The following CHST8 variants were observed in gnomAD, a reference collection of about 807,000 sequenced individuals.
CHST8 encodes the protein carbohydrate sulfotransferase 8, also known as GALNAC-4-ST1.
A neutral mutation model predicts 15.0 loss-of-function variants in CHST8; 10 were observed. The ratio of observed to expected loss-of-function variants is 0.67; its 90% confidence interval spans 0.41 to 1.13. The LOEUF is 1.13. Ranked by LOEUF, CHST8 falls within the 50% of genes most tolerant of loss-of-function variation. The pLI, the probability that CHST8 is intolerant of heterozygous loss-of-function variation, is 0.00. For synonymous variants in CHST8, 259 were observed against 256.6 expected, an observed-to-expected ratio of 1.01 and a Z score of -0.09; for missense variants, 634 against 608.2, an observed-to-expected ratio of 1.04 and a Z score of -0.45.
chr19:33,764,491 CTT>C (rs1291129384), intron 3 of CHST8, among the ~76,000 whole-genome samples: 1 of 152,174 alleles, frequency 6.6e-6, no homozygotes, highest in Non-Finnish European at 1.5e-5. Flanking sequence ...CTGAGCAAGA[CTT>C]TGTCTCTTCA....
chr19:33,712,429 C>G (rs143722581), intron 3 of CHST8, among the ~76,000 whole-genome samples: 1 of 151,996 alleles, frequency 6.6e-6, no homozygotes, highest in South Asian at 2.1e-4. Flanking sequence ...GTGAGGTGAC[C>G]CCTGGTTGCT....
At chr19:33,635,873 A>G (rs550444060) in intron 1 of CHST8, among the ~76,000 whole-genome samples, 1 of 152,268 alleles carries the variant, frequency 6.6e-6, no homozygotes, top group South Asian at 2.1e-4. Flanking sequence ...TTGGGACTAC[A>G]GTGCATGGAC....
chr19:33,681,135 C>T (rs117355615), intron 2 of CHST8, among the ~76,000 whole-genome samples: 3,501 of 152,156 alleles, frequency 0.023, 55 homozygotes, highest in Non-Finnish European at 0.036. Context: ...GAAAAAGGAC[C>T]CTGTTAGATT....
chr19:33,673,175 T>A (rs2145234586), intron 2 of CHST8, among the ~76,000 whole-genome samples: 1 of 152,250 alleles, frequency 6.6e-6, no homozygotes, highest in African/African-American at 2.4e-5. Flanking sequence ...ACACAGCTGG[T>A]CCCCGTGCCC....
At chr19:33,707,093 T>G (rs1973461489) in intron 3 of CHST8, among the ~76,000 whole-genome samples, 1 of 152,300 alleles carries the variant, frequency 6.6e-6, no homozygotes, top group East Asian at 1.9e-4. Context: ...GGTAGGGTGC[T>G]GTGTTTCCCA....
intron 3 of CHST8, among the ~76,000 whole-genome samples, chr19:33,722,236 T>C (rs1973813600): frequency 7.0e-6 from 1 of 143,740 alleles, no homozygotes; most frequent in African/African-American, 2.6e-5. Context: ...AATGAATGGG[T>C]GGATGGAAGG....
intron 3 of CHST8, among the ~76,000 whole-genome samples, chr19:33,700,932 G>A (rs952608537): frequency 6.6e-5 from 10 of 152,204 alleles, no homozygotes; most frequent in Non-Finnish European, 8.8e-5. Context: ...TGCTCCTTGC[G>A]TGGTGATTGC....
At chr19:33,703,091 C>T (rs551956121) in intron 3 of CHST8, among the ~76,000 whole-genome samples, 7 of 152,304 alleles carry the variant, frequency 4.6e-5, no homozygotes, top group East Asian at 1.9e-4. Context: ...GGGCAGCTGC[C>T]GTGGAGAGGT....
At chr19:33,692,534 CA>C (rs556165467) in intron 3 of CHST8, among the ~76,000 whole-genome samples, 3 of 150,698 alleles carry the variant, frequency 2.0e-5, no homozygotes, top group African/African-American at 7.3e-5. Flanking sequence ...CCTGTCTCTA[CA>C]AAAAAAAATA....
chr19:33,629,460 G>C (rs1376166492), intron 1 of CHST8, among the ~76,000 whole-genome samples: 1 of 152,248 alleles, frequency 6.6e-6, no homozygotes, highest in African/African-American at 2.4e-5. Flanking sequence ...TCTGCCCAAG[G>C]CTGGGAGCTC....
intron 3 of CHST8, among the ~76,000 whole-genome samples, chr19:33,736,040 A>G (rs17325428): frequency 0.076 from 11,572 of 152,292 alleles, 606 homozygotes; most frequent in Middle Eastern, 0.12. Context: ...CTAAGAATCC[A>G]TGGTGACAGA....
chr19:33,733,903 A>C (rs1371278213), intron 3 of CHST8, among the ~76,000 whole-genome samples: 2 of 152,188 alleles, frequency 1.3e-5, no homozygotes, highest in Non-Finnish European at 2.9e-5. Flanking sequence ...AGAGCTCTAC[A>C]AACTTCCGTC....
At chr19:33,633,876 G>A (rs189205291) in intron 1 of CHST8, among the ~76,000 whole-genome samples, 255 of 150,866 alleles carry the variant, frequency 1.7e-3, no homozygotes, top group African/African-American at 5.9e-3. Flanking sequence ...ATGGCTCACG[G>A]CAGCCTTGAC....
At chr19:33,704,629 G>A (rs113696968) in intron 3 of CHST8, among the ~76,000 whole-genome samples, 304 of 152,286 alleles carry the variant, frequency 2.0e-3, no homozygotes, top group African/African-American at 7.0e-3. Context: ...TAAGAATCTG[G>A]CCAGGTGCAG....
At chr19:33,661,577 G>A (rs892813070) in intron 1 of CHST8, among the ~76,000 whole-genome samples, 6 of 152,198 alleles carry the variant, frequency 3.9e-5, no homozygotes, top group African/African-American at 1.2e-4. Flanking sequence ...GGGCCATCAG[G>A]AAAGGGGTGA....
intron 2 of CHST8, among the ~76,000 whole-genome samples, chr19:33,681,876 T>C (rs1261396428): frequency 2.0e-5 from 3 of 151,878 alleles, no homozygotes; most frequent in Non-Finnish European, 4.4e-5. Context: ...TTTGCTTTTT[T>C]TTTTTTTTTA....
intron 1 of CHST8, among the ~76,000 whole-genome samples, chr19:33,634,128 G>A (rs1418596881): frequency 6.6e-6 from 1 of 152,070 alleles, no homozygotes; most frequent in Non-Finnish European, 1.5e-5. Context: ...CTCCATTGCT[G>A]GACTGTTTTC....
At chr19:33,690,822 C>T (rs1973087874) in intron 3 of CHST8, among the ~76,000 whole-genome samples, 1 of 152,238 alleles carries the variant, frequency 6.6e-6, no homozygotes, top group African/African-American at 2.4e-5. Flanking sequence ...GGGACAGCGC[C>T]ACCAGGGCAG....
intron 3 of CHST8, among the ~76,000 whole-genome samples, chr19:33,767,043 A>G (rs1974861378): frequency 6.6e-6 from 1 of 151,898 alleles, no homozygotes; most frequent in African/African-American, 2.4e-5. Context: ...TTGACTCTTT[A>G]AGGACAGTCG....
Sources: allele counts gnomAD v4.1 joint callset (sites outside exome capture counted in the v4.1 genomes callset), GRCh38; gene constraint gnomAD v4.1.1; transcripts MANE v1.5; gene names NCBI Gene and HGNC (gene_info 2026-07-23, HGNC 2026-07-21).